The following CNBD1 variants were observed in gnomAD, a reference collection of about 807,000 sequenced individuals.
The protein encoded by CNBD1 is cyclic nucleotide binding domain containing 1.
CNBD1 carries 71 observed loss-of-function variants against 54.4 expected under a neutral mutation model. That is an observed-to-expected ratio of 1.30 (90% CI 1.08 to 1.59). CNBD1 has a LOEUF of 1.59. Among genes scored for constraint, CNBD1 ranks in the 40% most tolerant of loss-of-function variants. CNBD1 has a pLI of 0.00. For missense variants in CNBD1, 659 were observed against 518.0 expected (o/e 1.27, Z -2.64); for synonymous variants, 182 against 170.7 (o/e 1.07, Z -0.51).
chr8:86,978,708 A>G (rs1586176410), intron 4 of CNBD1, among the ~76,000 whole-genome samples: 1 of 151,698 alleles, frequency 6.6e-6, no homozygotes, highest in Non-Finnish European at 1.5e-5. Context: ...ACGCCTGGCT[A>G]ATTTTTGTAT....
intron 8 of CNBD1, among the ~76,000 whole-genome samples, chr8:87,340,027 A>C (rs1810033683): frequency 6.6e-6 from 1 of 152,114 alleles, no homozygotes; most frequent in Non-Finnish European, 1.5e-5. Flanking sequence ...GCATCTTTTC[A>C]ATTTAACTTG....
chr8:87,403,443 T>C (rs986632752), intron 2 of CNBD1, among the ~76,000 whole-genome samples: 8 of 152,062 alleles, frequency 5.3e-5, no homozygotes, highest in African/African-American at 1.9e-4. Flanking sequence ...TCAATTACCC[T>C]AGTTTCAATT....
At chr8:87,261,290 A>G (rs1808135711) in intron 6 of CNBD1, among the ~76,000 whole-genome samples, 1 of 152,118 alleles carries the variant, frequency 6.6e-6, no homozygotes, top group African/African-American at 2.4e-5. Context: ...CTGAGAGATC[A>G]ATGGACACAA....
At chr8:87,215,202 C>T (rs1814183299) in intron 5 of CNBD1, among the ~76,000 whole-genome samples, 2 of 151,856 alleles carry the variant, frequency 1.3e-5, no homozygotes, top group South Asian at 2.1e-4. Context: ...ACCTTGAAAC[C>T]ATTATGATAA....
chr8:87,320,974 T>C (rs1809512987), intron 8 of CNBD1, among the ~76,000 whole-genome samples: 1 of 152,128 alleles, frequency 6.6e-6, no homozygotes, highest in Non-Finnish European at 1.5e-5. Flanking sequence ...TGTCCTCCTG[T>C]GACTGGCTTA....
Position 87,148,584 on chromosome 8 carries a change from T to C in CNBD1, c.432-57409T>C, listed in dbSNP as rs144959564. ...GGGAATACTAATCTAGAAACAGGCA[T>C]AGACTAACGTGCTGTGATGTTTAAT... On this transcript the variant is annotated intron_variant, in intron 4 of 10. Coordinates refer to ENST00000518476, the MANE Select transcript of CNBD1 (RefSeq NM_173538.3). Among the ~76,000 whole-genome samples the C allele has an allele frequency of 2.2e-3, 340 of 152,216 alleles. 1 individual carries two copies. The highest frequency in any genetic ancestry group is 7.5e-3 in the African/African-American group (311 of 41,534).
chr8:86,959,272 G>T (rs1807865643), intron 4 of CNBD1, among the ~76,000 whole-genome samples: 2 of 152,152 alleles, frequency 1.3e-5, no homozygotes, highest in South Asian at 4.1e-4. Flanking sequence ...CTCTCTGGCT[G>T]CCCTTAACAT....
At chr8:87,286,695 AT>A in intron 8 of CNBD1, 24 bp downstream of exon 8, 2 of 1,505,884 alleles carry the variant, frequency 1.3e-6, no homozygotes, top group Non-Finnish European at 1.8e-6. Flanking sequence ...AATTTAGATC[AT>A]TTTGTTTGCA....
At chr8:87,046,786 A>G (rs1810202215) in intron 4 of CNBD1, among the ~76,000 whole-genome samples, 1 of 152,176 alleles carries the variant, frequency 6.6e-6, no homozygotes, top group Non-Finnish European at 1.5e-5. Context: ...TTGGAAGATA[A>G]TATGTCCTGA....
At chr8:87,347,467 G>A (rs1810196927) in intron 8 of CNBD1, among the ~76,000 whole-genome samples, 1 of 148,568 alleles carries the variant, frequency 6.7e-6, no homozygotes, top group South Asian at 2.1e-4. Context: ...TATACAATAA[G>A]TATAAGCAAT....
At chr8:87,324,735 G>C (rs1264657733) in intron 8 of CNBD1, among the ~76,000 whole-genome samples, 3 of 149,580 alleles carry the variant, frequency 2.0e-5, no homozygotes, top group Non-Finnish European at 3.0e-5. Context: ...CAATTTTGTT[G>C]ATCCTTTCAA....
intron 6 of CNBD1, among the ~76,000 whole-genome samples, chr8:87,241,299 C>T (rs1716221327): frequency 3.0e-5 from 3 of 100,004 alleles, no homozygotes; most frequent in Non-Finnish European, 3.4e-5. Flanking sequence ...TTTGAGGAGT[C>T]TCGCTCTGTC....
chr8:87,258,774 C>T (rs2130846730), intron 6 of CNBD1, among the ~76,000 whole-genome samples: 1 of 152,226 alleles, frequency 6.6e-6, no homozygotes, highest in Non-Finnish European at 1.5e-5. Flanking sequence ...TAACCCTTTA[C>T]AAATTTTTGT....
intron 8 of CNBD1, among the ~76,000 whole-genome samples, chr8:87,297,697 T>C (rs1490782418): frequency 7.5e-6 from 1 of 133,684 alleles, no homozygotes; most frequent in Non-Finnish European, 1.7e-5. Flanking sequence ...TTTGTGAGAA[T>C]GTGGGGTGTG....
At position 86,881,301 on chromosome 8, in the gene CNBD1, C is replaced by A. The variant is rs569472616; in HGVS notation, c.89-6241C>A. ...CCCTGTTGTCTCAATCCCAAAGCTT[C>A]TCAAGCTTATAAGCAAAGTCTCAGG... On this transcript the variant is annotated intron_variant, in intron 1 of 10. Coordinates refer to ENST00000518476, the MANE Select transcript of CNBD1 (RefSeq NM_173538.3). Among the ~76,000 whole-genome samples, 47 of 152,074 alleles carry A rather than the reference C, an allele frequency of 3.1e-4. 1 individual carries two copies. Among genetic ancestry groups the A allele is most frequent in the Non-Finnish European group, 6.5e-4 (44 of 67,994 alleles).
chr8:87,041,250 G>T (rs1369268844), intron 4 of CNBD1, among the ~76,000 whole-genome samples: 1 of 152,058 alleles, frequency 6.6e-6, no homozygotes, highest in Non-Finnish European at 1.5e-5. Flanking sequence ...TTTAGCTATG[G>T]TGTTCAGAAA....
chr8:87,319,720 T>C (rs1809479382), intron 8 of CNBD1, among the ~76,000 whole-genome samples: 1 of 152,078 alleles, frequency 6.6e-6, no homozygotes, highest in African/African-American at 2.4e-5. Context: ...CATATATTGA[T>C]TGAAAAATAA....
At chr8:86,901,593 C>A (rs985592106) in intron 2 of CNBD1, among the ~76,000 whole-genome samples, 1 of 152,102 alleles carries the variant, frequency 6.6e-6, no homozygotes, top group Non-Finnish European at 1.5e-5. Context: ...AATTTTATTT[C>A]TTTCCCACAT....
chr8:87,052,337 T>C (rs1810328580), intron 4 of CNBD1, among the ~76,000 whole-genome samples: 1 of 152,196 alleles, frequency 6.6e-6, no homozygotes, highest in Non-Finnish European at 1.5e-5. Context: ...TGCCCCTCAA[T>C]TGAATCAGGA....
Sources: gnomAD v4.1 joint callset for allele counts (sites outside exome capture counted in the v4.1 genomes callset) on GRCh38, gnomAD v4.1.1 for gene constraint, MANE v1.5 for transcripts, NCBI Gene and HGNC (gene_info 2026-07-23, HGNC 2026-07-21) for gene names.